Variants in MAGI2 observed in about 807,000 individuals in gnomAD.
MAGI2 encodes the protein membrane-associated guanylate kinase, WW and PDZ domain-containing protein 2.
A neutral mutation model predicts 133.3 loss-of-function variants in MAGI2; 35 were observed. The ratio of observed to expected loss-of-function variants is 0.26; its 90% CI spans 0.20 to 0.35. The LOEUF (loss-of-function observed/expected upper bound fraction) is 0.35. MAGI2 is among the 10% of genes least tolerant of loss of function. The pLI, the probability that MAGI2 is intolerant of heterozygous loss-of-function variation, is 1.00. For synonymous variants in MAGI2, 729 were observed against 710.6 expected (o/e 1.03, Z -0.41); for missense variants, 1,636 against 1,863.4 (o/e 0.88, Z 2.25).
chr7:79,274,540 T>A (rs961969038), intron 1 of MAGI2, among the ~76,000 whole-genome samples: 3 of 151,624 alleles, frequency 2.0e-5, no homozygotes, highest in Non-Finnish European at 4.4e-5. Context: ...AAATGCAAAA[T>A]GACATCATTA....
At chr7:79,013,584 A>G (rs1284384505) in intron 1 of MAGI2, among the ~76,000 whole-genome samples, 1 of 152,168 alleles carries the variant, frequency 6.6e-6, no homozygotes, top group Non-Finnish European at 1.5e-5. Flanking sequence ...AAATCACAAG[A>G]AAGTTGATTG....
At chr7:78,674,132 A>C (rs1290980165) in intron 2 of MAGI2, among the ~76,000 whole-genome samples, 2 of 152,224 alleles carry the variant, frequency 1.3e-5, no homozygotes, top group African/African-American at 2.4e-5. Flanking sequence ...TTCATACATT[A>C]ATAAAAGTTT....
intron 7 of MAGI2, among the ~76,000 whole-genome samples, chr7:78,360,450 T>A (rs968535043): frequency 6.6e-6 from 1 of 152,242 alleles, no homozygotes; most frequent in Non-Finnish European, 1.5e-5. Context: ...GTCTAAGATA[T>A]GATTCCAAAG....
chr7:78,786,238 C>T (rs1025352059), intron 2 of MAGI2, among the ~76,000 whole-genome samples: 1 of 152,268 alleles, frequency 6.6e-6, no homozygotes, highest in South Asian at 2.1e-4. Flanking sequence ...AATAGATCAG[C>T]ATCTAACCCC....
intron 1 of MAGI2, among the ~76,000 whole-genome samples, chr7:79,237,557 T>C (rs563386150): frequency 1.7e-4 from 26 of 152,318 alleles, no homozygotes; most frequent in African/African-American, 5.1e-4. Flanking sequence ...TGCAGAGAGA[T>C]ACCATGAGCA....
chr7:79,290,461 T>C (rs886546468), intron 1 of MAGI2, among the ~76,000 whole-genome samples: 4 of 152,012 alleles, frequency 2.6e-5, no homozygotes, highest in African/African-American at 9.7e-5. Context: ...TCTTTTTTGC[T>C]ACAAATTACA....
rs181216539 is a variant in MAGI2 at position 78,583,367 on chromosome 7, G to A, written c.538+43753C>T. 513 of 189,356 alleles carry A rather than the reference G, an allele frequency of 2.7e-3. 3 individuals carry two copies. Among genetic ancestry groups the A allele is most frequent in the African/African-American group, 0.012 (487 of 41,838 alleles). The allele number at this position is 189,356 out of a possible 1,614,324, so 11.7% of individuals were successfully genotyped here. On this transcript the variant is annotated intron_variant, in intron 3 of 21. Transcript: ENST00000354212. ...AAAAAAATTAGCTGGGCGTGGTGGCGGGCGCCTGTGGTCCCAGCTACTTGA... is the reference window on the plus strand; with the variant it reads ...AAAAAAATTAGCTGGGCGTGGTGGCAGGCGCCTGTGGTCCCAGCTACTTGA...
intron 6 of MAGI2, among the ~76,000 whole-genome samples, chr7:78,416,357 C>T (rs1426018178): frequency 2.0e-5 from 3 of 151,882 alleles, no homozygotes; most frequent in African/African-American, 7.3e-5. Context: ...TTTAGGTTTA[C>T]ATACTAAATA....
intron 1 of MAGI2, among the ~76,000 whole-genome samples, chr7:79,190,083 T>A (rs904385166): frequency 2.6e-5 from 4 of 151,922 alleles, no homozygotes; most frequent in Non-Finnish European, 5.9e-5. Flanking sequence ...AAAGCTTATA[T>A]AAACATTTGT....
intron 6 of MAGI2, among the ~76,000 whole-genome samples, chr7:78,474,628 AT>A (rs1196281771): frequency 6.6e-6 from 1 of 151,962 alleles, no homozygotes; most frequent in African/African-American, 2.4e-5. Context: ...TCTGTACAAA[AT>A]AAAGTTTCCA....
At chr7:78,457,341 T>C (rs544230561) in intron 6 of MAGI2, among the ~76,000 whole-genome samples, 4 of 152,324 alleles carry the variant, frequency 2.6e-5, no homozygotes, top group South Asian at 2.1e-4. Flanking sequence ...GGAATTCTTT[T>C]GGAGGAAAAG....
At chr7:78,795,943 T>C (rs1787571670) in intron 2 of MAGI2, among the ~76,000 whole-genome samples, 1 of 152,022 alleles carries the variant, frequency 6.6e-6, no homozygotes, top group Non-Finnish European at 1.5e-5. Context: ...ATATACAGAA[T>C]GAAACTAGAT....
chr7:78,411,204 G>A (rs765993248), intron 6 of MAGI2, among the ~76,000 whole-genome samples: 3 of 151,936 alleles, frequency 2.0e-5, no homozygotes, highest in Non-Finnish European at 2.9e-5. Flanking sequence ...AGGGAGGGTT[G>A]AGTGATATTA....
chr7:79,220,285 C>T (rs1025997663), intron 1 of MAGI2, among the ~76,000 whole-genome samples: 5 of 152,014 alleles, frequency 3.3e-5, no homozygotes, highest in South Asian at 4.1e-4. Context: ...CATGTCTCAT[C>T]TGACACACAA....
At chr7:78,593,121 C>T (rs1173751340) in intron 3 of MAGI2, among the ~76,000 whole-genome samples, 1 of 43,770 alleles carries the variant, frequency 2.3e-5, no homozygotes, top group Non-Finnish European at 5.0e-5. Flanking sequence ...GCACCTGGCC[C>T]CTGATTTTTT....
chr7:78,397,725 T>G (rs1295045045), intron 6 of MAGI2, among the ~76,000 whole-genome samples: 1 of 152,144 alleles, frequency 6.6e-6, no homozygotes, highest in Non-Finnish European at 1.5e-5. Context: ...AAGAAGATGG[T>G]GACTCCAGTT....
rs375955910 is a variant in MAGI2, at chr7:79,051,491, C to A, written c.302-44285G>T. Among the ~76,000 whole-genome samples the A allele has an allele frequency of 1.6e-4, 25 of 152,258 alleles. No individual in the cohort carries two copies. In the South Asian group the frequency reaches 4.8e-3, roughly 29 times the overall value. ...GCAACATGTGAAACTATTTGAAAAA[C>A]AATGTATCTGCCATTTTTCATCGTT... is the stretch of plus-strand genomic sequence containing the variant. On this transcript the variant is annotated intron_variant, in intron 1 of 21. Transcript: ENST00000354212.
chr7:78,586,334 G>A (rs1803405368), intron 3 of MAGI2, among the ~76,000 whole-genome samples: 1 of 152,134 alleles, frequency 6.6e-6, no homozygotes, highest in Non-Finnish European at 1.5e-5. Flanking sequence ...TGGACTTAGA[G>A]CAGGAGTTCC....
At chr7:78,762,708 A>G (rs1263941246) in intron 2 of MAGI2, among the ~76,000 whole-genome samples, 2 of 152,214 alleles carry the variant, frequency 1.3e-5, no homozygotes, top group Non-Finnish European at 2.9e-5. Flanking sequence ...ACAGAATTGT[A>G]ACTAGAAAAG....
Sources: allele counts gnomAD v4.1 joint callset (sites outside exome capture counted in the v4.1 genomes callset), GRCh38; gene constraint gnomAD v4.1.1; transcripts MANE v1.5; gene names NCBI Gene and HGNC (gene_info 2026-07-23, HGNC 2026-07-21).